The following MCM5 variants were observed in gnomAD, a reference collection of about 807,000 sequenced individuals.
The protein encoded by MCM5 is DNA replication licensing factor MCM5.
Under a neutral mutation model 79.9 loss-of-function variants are expected in MCM5, and 46 were observed. That is an observed-to-expected ratio of 0.58 (90% CI 0.45 to 0.74). MCM5 has a LOEUF of 0.74. Among genes scored for constraint, MCM5 ranks in the 30% least tolerant of loss-of-function variants. The probability of loss-of-function intolerance (pLI) is 0.00; values close to 1 mark genes in which losing one functional copy is unlikely to be tolerated. For missense variants in MCM5, 883 were observed against 1,017.0 expected, an observed-to-expected ratio of 0.87 and a Z score of 1.79; for synonymous variants, 404 against 390.5, an observed-to-expected ratio of 1.03 and a Z score of -0.41.
At chr22:35,413,446 G>A (rs547384019) in intron 8 of MCM5, among the ~76,000 whole-genome samples, 23 of 152,256 alleles carry the variant, frequency 1.5e-4, no homozygotes, top group African/African-American at 5.1e-4. Flanking sequence ...TGAGGGAATT[G>A]AGGCATAGAG....
At chr22:35,438,142 TAAATAACCCTGCTCTTAGC>T in the MCM5 span, among the ~76,000 whole-genome samples, 1 of 152,144 alleles carries the variant, frequency 6.6e-6, no homozygotes, top group Non-Finnish European at 1.5e-5. Context: ...GGGGTATGTG[TAAATAACCCTGCTCTTAGC>T]CTGGGAACTG....
chr22:35,445,793 G>A, the MCM5 span, among the ~76,000 whole-genome samples: 1 of 152,150 alleles, frequency 6.6e-6, no homozygotes, highest in Non-Finnish European at 1.5e-5. Flanking sequence ...TTACAGGCAT[G>A]AGCCACCACA....
Position 35,403,471 on chromosome 22 carries a change from G to T in MCM5, c.352G>T (p.Glu118Ter). Residue 118 changes from glutamate to a stop codon, truncating the protein, a stop_gained, in exon 4 of 17, where the codon GAG becomes TAG. Transcript: ENST00000216122. LOFTEE classifies it high-confidence loss of function. ...DEVTRPRPSG[E>*]EVLQDIQVML... ...GGTGACCCGGCCCCGGCCTTCTGGG[G>T]AGGAGGTGCTCCAGGACATCCAGGT... 1 of 1,614,202 alleles carries T rather than the reference G, an allele frequency of 6.2e-7. No individual in the cohort carries two copies. The highest frequency in any genetic ancestry group is 8.5e-7 in the Non-Finnish European group (1 of 1,180,028).
At chr22:35,410,194 CTG>C (rs1932336189) in intron 6 of MCM5, among the ~76,000 whole-genome samples, 1 of 152,272 alleles carries the variant, frequency 6.6e-6, no homozygotes, top group East Asian at 1.9e-4. Context: ...CCACACCACC[CTG>C]TCTCTGACTG....
chr22:35,400,627 G>C, intron 2 of MCM5, 22 bp downstream of exon 2: 1 of 1,573,348 alleles, frequency 6.4e-7, no homozygotes, highest in Non-Finnish European at 8.6e-7. Flanking sequence ...GCGGGGCCGG[G>C]GGCTCGAGTT....
chr22:35,433,303 C>G, the MCM5 span, among the ~76,000 whole-genome samples: 1 of 152,190 alleles, frequency 6.6e-6, no homozygotes, highest in South Asian at 2.1e-4. Context: ...AGTATCAAGT[C>G]ACCATCCATG....
the MCM5 span, among the ~76,000 whole-genome samples, chr22:35,454,884 C>T: frequency 6.6e-6 from 1 of 152,184 alleles, no homozygotes; most frequent in Admixed American, 6.5e-5. Context: ...CCACTAGATG[C>T]CAGTAGCATC....
rs746891460 is a variant in MCM5, at chr22:35,403,318, C to T, written c.279C>T (p.Ala93=). The change falls in exon 3 of 17, where the codon GCC becomes GCT. Residue 93 remains alanine, a synonymous_variant. Coordinates refer to ENST00000216122, the MANE Select transcript of MCM5 (RefSeq NM_006739.4). ...DLADYLYKQP[A]EHLQLLEEAA... Reference sequence around the variant, plus strand: ...CCGACTACTTGTACAAGCAGCCAGCCGAGCACCTGCAGCTGGTGAGTGGGA... The same window carrying T: ...CCGACTACTTGTACAAGCAGCCAGCTGAGCACCTGCAGCTGGTGAGTGGGA... The T allele has an allele frequency of 8.1e-6, 13 of 1,614,054 alleles. No individual in the cohort carries two copies. The highest frequency in any genetic ancestry group is 2.7e-5 in the African/African-American group (2 of 74,924).
the MCM5 span, among the ~76,000 whole-genome samples, chr22:35,446,981 AGGC>A: frequency 6.6e-6 from 1 of 152,104 alleles, no homozygotes; most frequent in African/African-American, 2.4e-5. Flanking sequence ...CTGTACCCTA[AGGC>A]ATCAGTCTGC....
chr22:35,416,121 T>A, intron 10 of MCM5, 149 bp downstream of exon 10: 2 of 1,105,644 alleles, frequency 1.8e-6, no homozygotes, highest in Non-Finnish European at 1.3e-6. Context: ...GGAAGCTGCT[T>A]AACCTCTTCA....
the MCM5 span, among the ~76,000 whole-genome samples, chr22:35,454,494 TC>T: frequency 1.3e-5 from 1 of 77,660 alleles, no homozygotes; most frequent in African/African-American, 5.0e-5. Context: ...AAGGTCTTCA[TC>T]GGCAAGAGGT....
chr22:35,415,445 A>G lies in MCM5; in HGVS notation c.1204-384A>G, dbSNP rs565239284. On this transcript the variant is annotated intron_variant, in intron 9 of 16. Coordinates refer to ENST00000216122, the MANE Select transcript of MCM5 (RefSeq NM_006739.4). The stretch of plus-strand genomic sequence containing the variant: ...CGTGTAGGTCTATATAGAGACGACA[A>G]GGGACTCACGATGGGGGCAGGCTTT... 2.8e-4 allele frequency among the ~76,000 whole-genome samples: 42 copies of G among 151,928 alleles called. 1 individual carries two copies. The highest frequency in any genetic ancestry group is 3.2e-3 in the Middle Eastern group (1 of 316).
downstream of MCM5, among the ~76,000 whole-genome samples, chr22:35,428,643 T>TA (rs1316556148): frequency 6.6e-6 from 1 of 152,118 alleles, no homozygotes; most frequent in Non-Finnish European, 1.5e-5. Flanking sequence ...AGGGCTGTGT[T>TA]GTAAGGTAGT....
rs758155126 is a variant in MCM5, at chr22:35,412,647, A to G, written c.1057A>G (p.Ile353Val). The G allele has an allele frequency of 1.1e-5, 17 of 1,535,472 alleles. No homozygotes were observed. Among genetic ancestry groups the G allele is most frequent in the Non-Finnish European group, 1.3e-5 (15 of 1,134,746 alleles). Residue 353 changes from isoleucine (I) to valine (V), a missense_variant, in exon 8 of 17, where the codon ATT (isoleucine) becomes GTT (valine). Around this residue, in one of 3 missense-constraint regions of MCM5, gnomAD observed 455 missense variants for 517.5 expected, o/e 0.88. Transcript: ENST00000216122. ...TGGGGGCACAGACATGAAGAAGGCCATTGCCTGCCTGCTCTTTGGGGGCTC... is the reference window on the plus strand; with the variant it reads ...TGGGGGCACAGACATGAAGAAGGCCGTTGCCTGCCTGCTCTTTGGGGGCTC... ...IFGGTDMKKA[I>V]ACLLFGGSRK...
downstream of MCM5, among the ~76,000 whole-genome samples, chr22:35,430,299 A>T (rs903117832): frequency 1.3e-5 from 2 of 152,124 alleles, no homozygotes; most frequent in Non-Finnish European, 2.9e-5. Context: ...TGTTAAGAGG[A>T]TTGATAATAG....
At chr22:35,419,455 T>C (rs1932637897) in intron 13 of MCM5, among the ~76,000 whole-genome samples, 1 of 152,178 alleles carries the variant, frequency 6.6e-6, no homozygotes, top group African/African-American at 2.4e-5. Context: ...CATCAGCTTG[T>C]CGTGTCTTCA....
intron 9 of MCM5, among the ~76,000 whole-genome samples, chr22:35,415,089 G>A (rs1230962249): frequency 6.6e-6 from 1 of 151,686 alleles, no homozygotes; most frequent in African/African-American, 2.4e-5. Context: ...GGGTGCGGTT[G>A]TGTGCATACC....
chr22:35,421,127 C>CAAAAAAAAAAAAA (rs133430), intron 14 of MCM5, among the ~76,000 whole-genome samples, 191 bp from the exon 15 acceptor site: 1 of 88,918 alleles, frequency 1.1e-5, no homozygotes, highest in Non-Finnish European at 2.1e-5. Context: ...GACTTTGTCT[C>CAAAAAAAAAAAAA]AAAAAAAAAA....
rs1436485234 is a variant in MCM5, at chr22:35,415,877, GTGA to G, written c.1256_1258del (p.Met419del). 6.2e-7 allele frequency: 1 copy of G among 1,614,072 alleles called. No homozygotes were observed. The highest frequency in any genetic ancestry group is 1.3e-5 in the African/African-American group (1 of 75,054). On this transcript the variant is annotated inframe_deletion, in exon 10 of 17. Coordinates refer to ENST00000216122, the MANE Select transcript of MCM5 (RefSeq NM_006739.4). ...CAGCGCAGCTGGACTGACAGCCTCG[GTGA>G]TGAGGGACCCTTCGTCCCGGAATTT...
Sources: allele counts gnomAD v4.1 joint callset (sites outside exome capture counted in the v4.1 genomes callset), GRCh38; gene constraint gnomAD v4.1.1; regional missense constraint gnomAD v4.1.1; transcripts MANE v1.5; gene names NCBI Gene and HGNC (gene_info 2026-07-23, HGNC 2026-07-21).